MYH16: variants seen among roughly 807,000 people sequenced by gnomAD.
MYH16 encodes the protein putative uncharacterized protein MYH16.
At chr7:99,307,388 A>G (rs1301027484), downstream of MYH16, among the ~76,000 whole-genome samples, 2 of 152,188 alleles carry the variant, frequency 1.3e-5, no homozygotes. Context: ...CCCTTAATTC[A>G]GAACTAATCA....
intron 23 of MYH16, among the ~76,000 whole-genome samples, chr7:99,282,880 A>C (rs1210611578): frequency 6.6e-6 from 1 of 152,142 alleles, no homozygotes; most frequent in Non-Finnish European, 1.5e-5. Context: ...ATTGAGTTAC[A>C]TGTAAAAGGG....
At chr7:99,264,848 G>A (rs932548907) in intron 15 of MYH16, among the ~76,000 whole-genome samples, 2 of 152,158 alleles carry the variant, frequency 1.3e-5, no homozygotes, top group Admixed American at 6.5e-5. Flanking sequence ...GAATCTGGAG[G>A]GGCCCCACTT....
chr7:99,286,986 C>T (rs1241444687), intron 28 of MYH16, among the ~76,000 whole-genome samples: 1 of 152,160 alleles, frequency 6.6e-6, no homozygotes, highest in African/African-American at 2.4e-5. Context: ...TTGCTACTCA[C>T]AGTTCCCAAG....
chr7:99,256,200 A>C (rs1791869984), intron 9 of MYH16, among the ~76,000 whole-genome samples: 1 of 142,002 alleles, frequency 7.0e-6, no homozygotes, highest in Non-Finnish European at 1.5e-5. Context: ...GTGCTTTGGA[A>C]GGCTGAGGCA....
intron 25 of MYH16, among the ~76,000 whole-genome samples, chr7:99,284,330 C>T (rs144783972): frequency 6.6e-6 from 1 of 152,188 alleles, no homozygotes; most frequent in Non-Finnish European, 1.5e-5. Context: ...GTGGCTCACA[C>T]CTGTAATCCC....
chr7:99,244,449 G>A (rs1791705237), intron 2 of MYH16, among the ~76,000 whole-genome samples: 2 of 152,224 alleles, frequency 1.3e-5, no homozygotes, highest in East Asian at 1.9e-4. Context: ...GGACGTGTTG[G>A]TGTTTGCCTC....
In MYH16 at chr7:99,292,297, G is replaced by C. The variant is rs1326369204; in HGVS notation, n.3953-15G>C. 1 of 453,624 alleles carries C rather than the reference G, an allele frequency of 2.2e-6. No individual in the cohort carries two copies. Among genetic ancestry groups the C allele is most frequent in the Non-Finnish European group, 4.5e-6 (1 of 224,660 alleles). The allele number at this position is 453,624 out of a possible 1,614,324, so 28.1% of individuals were successfully genotyped here. The stretch of plus-strand genomic sequence containing the variant: ...GGAAAGCCCCCACGGGCGCCTGACA[G>C]GCTGGTCCCCACAGTCTCGCAGCAC... On this transcript the variant is annotated splice_polypyrimidine_tract_variant and intron_variant and non_coding_transcript_variant, in intron 31 of 41. Transcript: ENST00000439784.
At chr7:99,291,617 A>ACCCCCCCCCCCCCCCCCCCCCCCCCCC (rs34446113) in intron 31 of MYH16, among the ~76,000 whole-genome samples, 167 bp downstream of exon 12, 4 of 105,960 alleles carry the variant, frequency 3.8e-5, no homozygotes, top group African/African-American at 3.8e-5. Flanking sequence ...ACACAGCAAG[A>ACCCCCCCCCCCCCCCCCCCCCCCCCCC]CCCCCCCCCA....
At chr7:99,270,800 C>CTT in intron 18 of MYH16, among the ~76,000 whole-genome samples, 1 of 152,150 alleles carries the variant, frequency 6.6e-6, no homozygotes, top group East Asian at 2.0e-4. Context: ...GGGAGGATTG[C>CTT]TTAAGCTCGG....
At chr7:99,259,467 AT>A (rs1204986801) in intron 11 of MYH16, among the ~76,000 whole-genome samples, 1 of 151,150 alleles carries the variant, frequency 6.6e-6, no homozygotes, top group African/African-American at 2.4e-5. Context: ...TTGTTTATTT[AT>A]TTTTTTTGAG....
chr7:99,289,998 A>G (rs1020984690), intron 30 of MYH16, among the ~76,000 whole-genome samples: 1 of 152,176 alleles, frequency 6.6e-6, no homozygotes, highest in African/African-American at 2.4e-5. Context: ...TTGGCAATTT[A>G]TCAATGTATA....
At chr7:99,245,009 G>A (rs986148049) in intron 2 of MYH16, among the ~76,000 whole-genome samples, 1 of 152,190 alleles carries the variant, frequency 6.6e-6, no homozygotes, top group Admixed American at 6.5e-5. Flanking sequence ...AACTCTAGCT[G>A]GCAAGGGCTG....
intron 18 of MYH16, among the ~76,000 whole-genome samples, chr7:99,270,462 C>G (rs1584346547): frequency 6.6e-6 from 1 of 151,620 alleles, no homozygotes; most frequent in African/African-American, 2.4e-5. Flanking sequence ...GCTAGGACTA[C>G]AGGCGCCCGC....
chr7:99,297,790 C>T, exon 35 of MYH16: 1 of 456,550 alleles, frequency 2.2e-6, no homozygotes. Flanking sequence ...CTGAGTCTTC[C>T]CTGGAGGTAA....
At chr7:99,252,705 C>T (rs1397908905) in intron 6 of MYH16, 1 of 152,772 alleles carries the variant, frequency 6.5e-6, no homozygotes, top group Admixed American at 6.5e-5. Flanking sequence ...AGCCCGGTTA[C>T]ATCCCCGCAG....
chr7:99,264,535 G>A (rs553361354), intron 15 of MYH16, among the ~76,000 whole-genome samples: 3 of 152,314 alleles, frequency 2.0e-5, no homozygotes, highest in Admixed American at 6.5e-5. Flanking sequence ...GTGATCACGC[G>A]AGATAGCAAT....
At chr7:99,306,834 C>T (rs1339296794), downstream of MYH16, 1 of 152,634 alleles carries the variant, frequency 6.6e-6, no homozygotes, top group Non-Finnish European at 1.5e-5. Flanking sequence ...TAGGCCACAA[C>T]TGGTAGGTGT....
chr7:99,268,127 A>G (rs1052018420), intron 18 of MYH16, among the ~76,000 whole-genome samples: 2 of 151,650 alleles, frequency 1.3e-5, no homozygotes, highest in African/African-American at 4.9e-5. Context: ...GCTTTATAAT[A>G]CTCTGTGTGT....
intron 18 of MYH16, among the ~76,000 whole-genome samples, chr7:99,267,809 C>T (rs536650788): frequency 1.3e-5 from 2 of 152,294 alleles, no homozygotes; most frequent in African/African-American, 2.4e-5. Context: ...CTTCTATAGC[C>T]GCCCTGCCCC....
Sources: gnomAD v4.1 joint callset for allele counts (sites outside exome capture counted in the v4.1 genomes callset) on GRCh38, gnomAD v4.1.1 for gene constraint, MANE v1.5 for transcripts, NCBI Gene and HGNC (gene_info 2026-07-23, HGNC 2026-07-21) for gene names.